Variants in RNF149 observed in about 807,000 individuals in gnomAD.
RNF149 encodes E3 ubiquitin-protein ligase RNF149.
Under a neutral mutation model 39.0 loss-of-function variants are expected in RNF149, and 21 were observed. The observed-to-expected ratio is 0.54, with a 90% CI of 0.38 to 0.77. The LOEUF is 0.77. RNF149 is among the 30% of genes least tolerant of loss of function. RNF149 has a pLI of 0.00. For synonymous variants in RNF149, 209 were observed against 213.6 expected (o/e 0.98, Z 0.19); for missense variants, 493 against 534.9 (o/e 0.92, Z 0.77).
In RNF149 at chr2:101,288,239, T is replaced by A. The variant is rs1682871402; in HGVS notation, c.863+734A>T. Among the ~76,000 whole-genome samples the A allele has an allele frequency of 2.8e-5, 4 of 140,460 alleles. No homozygotes were observed. The Admixed American group carries it at 2.9e-4, about 10-fold the overall frequency. The allele number at this position is 140,460 out of a possible 152,430, so 92.1% of individuals were successfully genotyped here. On this transcript the variant is annotated intron_variant, in intron 4 of 6. Coordinates refer to ENST00000295317, the MANE Select transcript of RNF149 (RefSeq NM_173647.4). ...ATAAAGGAAAGAAAAACTTTTTTTT[T>A]TTTTTTTTTTTTTTTGAGACGGAGT...
chr2:101,305,492 C>G (rs1683619347), intron 1 of RNF149, among the ~76,000 whole-genome samples: 1 of 152,158 alleles, frequency 6.6e-6, no homozygotes, highest in South Asian at 2.1e-4. Flanking sequence ...ACACTGCTAC[C>G]AAACTAATTT....
At chr2:101,295,249 T>C (rs1331017578) in intron 1 of RNF149, 68 bp from the exon 2 acceptor site, 4 of 1,342,116 alleles carry the variant, frequency 3.0e-6, no homozygotes, top group Non-Finnish European at 4.2e-6. Context: ...TTAAATTAAA[T>C]ATAAGGGTAC....
chr2:101,298,264 G>GA (rs978794909), intron 1 of RNF149, among the ~76,000 whole-genome samples: 1 of 151,918 alleles, frequency 6.6e-6, no homozygotes, highest in Admixed American at 6.6e-5. Flanking sequence ...CTACTTAAAA[G>GA]AAATACAAAA....
intron 5 of RNF149, among the ~76,000 whole-genome samples, chr2:101,284,335 T>C (rs1488604721): frequency 6.6e-6 from 1 of 152,190 alleles, no homozygotes; most frequent in Non-Finnish European, 1.5e-5. Flanking sequence ...ATCTCAGCAC[T>C]TTGGGAGGCT....
downstream of RNF149, among the ~76,000 whole-genome samples, chr2:101,272,083 C>T (rs926603023): frequency 6.6e-6 from 1 of 152,066 alleles, no homozygotes; most frequent in South Asian, 2.1e-4. Flanking sequence ...ATTTCAGCAC[C>T]CTCTGTCTAC....
chr2:101,294,989 C>A lies in RNF149; in HGVS notation c.653G>T (p.Trp218Leu). ...ACGCTGTATATAGTAAAATATTAGC[C>A]AGGCTAACGAGATAATCATCATGGT... ...FITMMIISLA[W>L]LIFYYIQRFL... Residue 218 changes from tryptophan to leucine, a missense_variant, in exon 2 of 7, where the codon TGG (tryptophan) becomes TTG (leucine). Transcript: ENST00000295317. 6.2e-7 allele frequency: 1 copy of A among 1,613,914 alleles called. No individual in the cohort carries two copies. The highest frequency in any genetic ancestry group is 8.5e-7 in the Non-Finnish European group (1 of 1,179,840).
chr2:101,277,328 T>G, intron 6 of RNF149, 47 bp from the exon 7 acceptor site: 1 of 1,572,930 alleles, frequency 6.4e-7, no homozygotes, highest in Middle Eastern at 1.7e-4. Flanking sequence ...GGGCAGCATA[T>G]TCCGAGCTTC....
chr2:101,278,845 C>T (rs938505844), intron 6 of RNF149, among the ~76,000 whole-genome samples: 2 of 152,134 alleles, frequency 1.3e-5, no homozygotes, highest in African/African-American at 4.8e-5. Flanking sequence ...TTTTGCACTC[C>T]CCTTCAAGGA....
At chr2:101,302,707 T>C (rs1183906335) in intron 1 of RNF149, among the ~76,000 whole-genome samples, 1 of 152,038 alleles carries the variant, frequency 6.6e-6, no homozygotes, top group African/African-American at 2.4e-5. Flanking sequence ...CGGCCAGGTG[T>C]GGTGGCTCAC....
chr2:101,273,753 G>A (rs377414305), downstream of RNF149, among the ~76,000 whole-genome samples: 2 of 151,918 alleles, frequency 1.3e-5, no homozygotes, highest in Non-Finnish European at 2.9e-5. Context: ...TGTTAAAAGC[G>A]TCAACCACCA....
intron 1 of RNF149, among the ~76,000 whole-genome samples, chr2:101,298,127 G>A (rs541620366): frequency 1.9e-4 from 29 of 152,256 alleles, no homozygotes; most frequent in African/African-American, 7.0e-4. Flanking sequence ...AACCAATGAG[G>A]TATCTATAAA....
Position 101,276,957 on chromosome 2 carries a change from C to T in RNF149, c.*281G>A. ...CAATTATTTAGAAACACCACCTGTC[C>T]TTTATATTAGAGTACCTGCCCCAGT... On this transcript the variant is annotated 3_prime_UTR_variant, in exon 7 of 7. Coordinates refer to ENST00000295317, the MANE Select transcript of RNF149 (RefSeq NM_173647.4). 1 of 1,140,144 alleles carries T rather than the reference C, an allele frequency of 8.8e-7. No individual in the cohort carries two copies. Among genetic ancestry groups the T allele is most frequent in the Non-Finnish European group, 1.1e-6 (1 of 920,758 alleles). The allele number at this position is 1,140,144 out of a possible 1,614,324, so 70.6% of individuals were successfully genotyped here.
intron 1 of RNF149, among the ~76,000 whole-genome samples, chr2:101,305,204 C>G (rs1379084591): frequency 2.6e-5 from 4 of 152,126 alleles, no homozygotes; most frequent in Non-Finnish European, 5.9e-5. Context: ...TTACACAGAA[C>G]AGTGAGAACC....
intron 5 of RNF149, among the ~76,000 whole-genome samples, chr2:101,283,445 T>C (rs1276138120): frequency 6.6e-6 from 1 of 152,204 alleles, no homozygotes; most frequent in African/African-American, 2.4e-5. Flanking sequence ...GTTACAGCTG[T>C]AAACCTTTAA....
chr2:101,280,195 AATAATAATG>A lies in RNF149; in HGVS notation c.1159+1655_1159+1663del, dbSNP rs1304256320. Reference sequence around the variant, plus strand: ...CATCTCAAATAATAATAATAATAATAATAATAATGATGATGATGATGATAATGTAGAATA... The same window carrying A: ...CATCTCAAATAATAATAATAATAATAATGATGATGATGATAATGTAGAATA... On this transcript the variant is annotated intron_variant, in intron 6 of 6. Transcript: ENST00000295317. Among the ~76,000 whole-genome samples, 718 of 141,224 alleles carry A rather than the reference AATAATAATG, an allele frequency of 5.1e-3. 2 individuals carry two copies. Among genetic ancestry groups the A allele is most frequent in the African/African-American group, 0.017 (689 of 39,630 alleles). 92.6% of individuals were successfully genotyped at this position (141,224 alleles called of 152,430 possible). A position where few individuals can be genotyped will look rare whatever the true frequency, so the allele number is the denominator to read the frequency against.
downstream of RNF149, among the ~76,000 whole-genome samples, chr2:101,275,431 CTTTT>C (rs59154104): frequency 1.5e-4 from 4 of 26,580 alleles, no homozygotes; most frequent in Non-Finnish European, 1.9e-4. Flanking sequence ...CCTAGTATTT[CTTTT>C]TTTTTTTTTT....
intron 4 of RNF149, among the ~76,000 whole-genome samples, chr2:101,287,774 G>A (rs544463282): frequency 9.9e-4 from 151 of 152,184 alleles, no homozygotes; most frequent in African/African-American, 3.3e-3. Flanking sequence ...TGATACTCAC[G>A]CCTTCATTTC....
chr2:101,295,602 A>G (rs1279738298), intron 1 of RNF149, among the ~76,000 whole-genome samples: 1 of 151,194 alleles, frequency 6.6e-6, no homozygotes, highest in Non-Finnish European at 1.5e-5. Flanking sequence ...CGGAGGTTGC[A>G]GTGAGCTGAG....
In RNF149 at chr2:101,281,691, G is replaced by C. The variant is rs1254662923; in HGVS notation, c.1159+168C>G. 4.3e-6 allele frequency: 3 copies of C among 690,672 alleles called. No individual in the cohort carries two copies. In the African/African-American group the frequency reaches 5.4e-5, roughly 12 times the overall value. The allele number at this position is 690,672 out of a possible 1,614,324, so 42.8% of individuals were successfully genotyped here. A position where few individuals can be genotyped will look rare whatever the true frequency, so the allele number is the denominator to read the frequency against. On this transcript the variant is annotated intron_variant, in intron 6 of 6. Transcript: ENST00000295317. The stretch of plus-strand genomic sequence containing the variant: ...AATCTGTGAAGTTTTTGTAGAGATG[G>C]GGTCTCACTATGCTGCCCAGGCTGT...
Sources: gnomAD v4.1 joint callset for allele counts (sites outside exome capture counted in the v4.1 genomes callset) on GRCh38, gnomAD v4.1.1 for gene constraint, MANE v1.5 for transcripts, NCBI Gene and HGNC (gene_info 2026-07-23, HGNC 2026-07-21) for gene names.